Variants in SPTB observed in about 807,000 individuals in gnomAD.
The protein encoded by SPTB is spectrin beta, erythrocytic, also known as spectrin beta chain, erythrocytic.
Under a neutral mutation model 256.2 loss-of-function variants are expected in SPTB, and 45 were observed. The ratio of observed to expected loss-of-function variants is 0.18; its 90% CI spans 0.14 to 0.23. The LOEUF is 0.23. Ranked by LOEUF, SPTB falls within the 10% of genes least tolerant of loss-of-function variation. SPTB has a pLI of 1.00. For synonymous variants in SPTB, 1,231 were observed against 1,243.1 expected, an observed-to-expected ratio of 0.99 and a Z score of 0.21; for missense variants, 2,715 against 3,040.4, an observed-to-expected ratio of 0.89 and a Z score of 2.52.
intron 19 of SPTB, 74 bp from the exon 20 acceptor site, chr14:64,782,627 C>T: frequency 1.2e-6 from 2 of 1,601,754 alleles, no homozygotes; most frequent in Non-Finnish European, 8.5e-7. Context: ...CTGATGGTTG[C>T]AAGAGGCTAC....
intron 32 of SPTB, chr14:64,756,618 C>G (rs1264750815): frequency 1.3e-5 from 2 of 152,284 alleles, no homozygotes. Context: ...CTTCAGTAAA[C>G]CTTTTGCTTA....
At chr14:64,843,708 G>C (rs1340067902) in intron 1 of SPTB, among the ~76,000 whole-genome samples, 1 of 152,146 alleles carries the variant, frequency 6.6e-6, no homozygotes, top group Non-Finnish European at 1.5e-5. Context: ...CCACGACTGG[G>C]AGAGAAGAGT....
At chr14:64,762,641 G>A (rs1003815628) in intron 32 of SPTB, among the ~76,000 whole-genome samples, 2 of 151,918 alleles carry the variant, frequency 1.3e-5, no homozygotes, top group Non-Finnish European at 2.9e-5. Context: ...CAGCCCTAGC[G>A]AGATACTCAG....
rs1208544139 is a variant in SPTB, at chr14:64,787,189, G to A, written c.2805-29C>T. On this transcript the variant is annotated intron_variant, in intron 15 of 35. Coordinates refer to ENST00000644917, the MANE Select transcript of SPTB (RefSeq NM_001355436.2). ...CCGGATGGGGACACAGCCCGGAGGA[G>A]AGAGACACCTTCTCCCTTAGCTCTT... 4 of 1,600,504 alleles carry A rather than the reference G, an allele frequency of 2.5e-6. No homozygotes were observed. The African/African-American group carries it at 4.0e-5, about 16-fold the overall frequency.
intron 1 of SPTB, among the ~76,000 whole-genome samples, chr14:64,846,359 C>T (rs1236484411): frequency 6.6e-6 from 1 of 152,192 alleles, no homozygotes; most frequent in African/African-American, 2.4e-5. Context: ...GCTGCATATA[C>T]AAGGCTAATA....
At chr14:64,797,467 CAAAA>C (rs57385615) in intron 10 of SPTB, among the ~76,000 whole-genome samples, 487 of 30,674 alleles carry the variant, frequency 0.016, 1 homozygote, top group South Asian at 0.057. Flanking sequence ...ACCCTGTCTC[CAAAA>C]AAAAAAAAAA....
At chr14:64,774,746 A>G (rs1451567395) in intron 23 of SPTB, among the ~76,000 whole-genome samples, 1 of 152,098 alleles carries the variant, frequency 6.6e-6, no homozygotes, top group African/African-American at 2.4e-5. Flanking sequence ...CGTATCCGAC[A>G]TATACCCTTC....
chr14:64,879,785 G>T lies in SPTB; in HGVS notation c.-52+7C>A. ...TCCCTTGGCCGCCGGGCCCTCCTGG[G>T]ACTCACCTGCCCTGGGACTGAAGCG... On this transcript the variant is annotated splice_region_variant and intron_variant, in intron 1 of 35. Coordinates refer to ENST00000644917, the MANE Select transcript of SPTB (RefSeq NM_001355436.2). 1 of 153,206 alleles carries T rather than the reference G, an allele frequency of 6.5e-6. No individual in the cohort carries two copies. Among genetic ancestry groups the T allele is most frequent in the Non-Finnish European group, 1.5e-5 (1 of 68,658 alleles). The allele number at this position is 153,206 out of a possible 1,614,324, so 9.5% of individuals were successfully genotyped here.
Position 64,823,031 on chromosome 14 carries a change from G to A in SPTB, c.64C>T (p.Arg22Cys), listed in dbSNP as rs199850904. Residue 22 changes from arginine (R) to cysteine (C), a missense_variant, in exon 2 of 36, where the codon CGC becomes TGC. Transcript: ENST00000644917. The surrounding 1 kb of genome is among the most constrained non-coding windows in gnomAD (Gnocchi z 6.5). The stretch of plus-strand genomic sequence containing the variant: ...AGCTCGTCGTCTGGGGCGTCCCAGC[G>A]GGCATTGATCCTGCTGTAAGGTGGC... ...NQPPYSRINA[R>C]WDAPDDELDN... 4.0e-5 allele frequency: 65 copies of A among 1,614,026 alleles called. No homozygotes were observed. The highest frequency in any genetic ancestry group is 1.3e-4 in the African/African-American group (10 of 74,928).
rs1360706460 is a variant in SPTB at position 64,823,095 on chromosome 14, G to C, written c.-1C>G. 1 of 1,614,192 alleles carries C rather than the reference G, an allele frequency of 6.2e-7. No homozygotes were observed. On this transcript the variant is annotated 5_prime_UTR_variant, in exon 2 of 36. Coordinates refer to ENST00000644917, the MANE Select transcript of SPTB (RefSeq NM_001355436.2). The surrounding 1 kb of genome is among the most constrained non-coding windows in gnomAD (Gnocchi z 6.5). ...TTTCAAACTCTGTGGCCGATGTCAT[G>C]TCAGCAGGCTCTTAGCAGCTCCGCC...
In SPTB at chr14:64,767,960, G is replaced by A. The variant is rs2082217072; in HGVS notation, c.6023-101C>T. 7.3e-6 allele frequency: 10 copies of A among 1,365,730 alleles called. No individual in the cohort carries two copies. In the South Asian group the frequency reaches 1.2e-4, roughly 17 times the overall value. The allele number at this position is 1,365,730 out of a possible 1,614,324, so 84.6% of individuals were successfully genotyped here. Reference sequence around the variant, plus strand: ...GGGCCAGTGGTCAGGCAGGTGGCCTGAATAGGTGTCCCTAAACCACATGGA... The same window carrying A: ...GGGCCAGTGGTCAGGCAGGTGGCCTAAATAGGTGTCCCTAAACCACATGGA... On this transcript the variant is annotated intron_variant, in intron 29 of 35. Coordinates refer to ENST00000644917, the MANE Select transcript of SPTB (RefSeq NM_001355436.2).
At chr14:64,869,786 C>T (rs1180462417) in intron 1 of SPTB, among the ~76,000 whole-genome samples, 2 of 133,264 alleles carry the variant, frequency 1.5e-5, no homozygotes, top group East Asian at 2.1e-4. Flanking sequence ...CGATGCCCTG[C>T]TTTTTTTTTT....
chr14:64,839,525 G>C (rs561467656), intron 1 of SPTB, among the ~76,000 whole-genome samples: 6 of 152,120 alleles, frequency 3.9e-5, no homozygotes, highest in African/African-American at 9.7e-5. Context: ...AAAACCTATA[G>C]AAATTTACAC....
Position 64,832,939 on chromosome 14 carries a change from G to A in SPTB, c.-51-9794C>T, listed in dbSNP as rs148017911. Among the ~76,000 whole-genome samples, 118 of 152,298 alleles carry A rather than the reference G, an allele frequency of 7.7e-4. 1 individual carries two copies. The highest frequency in any genetic ancestry group is 5.6e-3 in the Admixed American group (86 of 15,300). ...CATTTTCTACACTGAGGCCAGACAGGCCATCCTAGAATACAAAGACGACAT... is the reference window on the plus strand; with the variant it reads ...CATTTTCTACACTGAGGCCAGACAGACCATCCTAGAATACAAAGACGACAT... On this transcript the variant is annotated intron_variant, in intron 1 of 35. Coordinates refer to ENST00000644917, the MANE Select transcript of SPTB (RefSeq NM_001355436.2).
chr14:64,799,280 G>A (rs2082836180), intron 9 of SPTB, among the ~76,000 whole-genome samples: 1 of 152,234 alleles, frequency 6.6e-6, no homozygotes, highest in Non-Finnish European at 1.5e-5. Flanking sequence ...CTGAGAAGCA[G>A]GCTAAGTGGT....
rs200386310 is a variant in SPTB, at chr14:64,772,678, C to A, written c.5455G>T (p.Glu1819Ter). The A allele has an allele frequency of 2.0e-4, 328 of 1,613,670 alleles. 1 individual carries two copies. In the East Asian group the frequency reaches 7.2e-3, roughly 36 times the overall value. ...TCCAGCCCCACGTCCTCGGGCAGCTCGCGGTGCTTCTCGTCGATGAGGCCC... is the reference window on the plus strand; with the variant it reads ...TCCAGCCCCACGTCCTCGGGCAGCTAGCGGTGCTTCTCGTCGATGAGGCCC... ...ILGLIDEKHR[E>*]LPEDVGLDAS... is the part of the protein sequence containing the mutation. Residue 1819 changes from glutamate (E) to a stop codon, truncating the protein, a stop_gained, in exon 26 of 36, where the codon GAG becomes TAG. Coordinates refer to ENST00000644917, the MANE Select transcript of SPTB (RefSeq NM_001355436.2). LOFTEE classifies it high-confidence loss of function. The surrounding 1 kb of genome is among the most constrained non-coding windows in gnomAD (Gnocchi z 5.4).
chr14:64,873,499 T>C lies in SPTB; in HGVS notation c.-52+6293A>G, dbSNP rs1882659232. On this transcript the variant is annotated intron_variant, in intron 1 of 35. Coordinates refer to ENST00000644917, the MANE Select transcript of SPTB (RefSeq NM_001355436.2). This position sits in a 1 kb window ranked among gnomAD's most constrained non-coding sequence, Gnocchi z 4.3. ...CCCAAAACATCAATTAACGGGCAGA[T>C]GAACCCTTCATTTATCTATGGCATG... Among the ~76,000 whole-genome samples the C allele has an allele frequency of 6.6e-6, 1 of 152,198 alleles. No homozygotes were observed. Among genetic ancestry groups the C allele is most frequent in the Non-Finnish European group, 1.5e-5 (1 of 68,042 alleles).
At position 64,827,170 on chromosome 14, in the gene SPTB, C is replaced by A. The variant is rs1296643456; in HGVS notation, c.-51-4025G>T. Among the ~76,000 whole-genome samples the A allele has an allele frequency of 2.0e-5, 3 of 152,118 alleles. No individual in the cohort carries two copies. The highest frequency in any genetic ancestry group is 2.9e-5 in the Non-Finnish European group (2 of 68,014). On this transcript the variant is annotated intron_variant, in intron 1 of 35. Transcript: ENST00000644917. This position sits in a 1 kb window ranked among gnomAD's most constrained non-coding sequence, Gnocchi z 4.6. The stretch of plus-strand genomic sequence containing the variant: ...AGCTAGGACCCATGTCAGCCCTCGC[C>A]GAAGCCCCGAGCAGAAGAGGCAGCT...
chr14:64,813,780 C>T (rs1260722123), intron 2 of SPTB, among the ~76,000 whole-genome samples: 1 of 152,194 alleles, frequency 6.6e-6, no homozygotes, highest in East Asian at 1.9e-4. Flanking sequence ...CCTGCCTTGG[C>T]CTCCAAAAGT....
Sources: gnomAD v4.1 joint callset for allele counts (sites outside exome capture counted in the v4.1 genomes callset) on GRCh38, gnomAD v4.1.1 for gene constraint, Gnocchi (gnomAD v3.1) non-coding constraint, MANE v1.5 for transcripts, NCBI Gene and HGNC (gene_info 2026-07-23, HGNC 2026-07-21) for gene names.